Variants in FAAH2 observed in about 807,000 individuals in gnomAD.
The protein encoded by FAAH2 is fatty acid amide hydrolase 2, also known as fatty-acid amide hydrolase 2.
A neutral mutation model predicts 36.9 loss-of-function variants in FAAH2; 60 were observed. That is an observed-to-expected ratio of 1.63 (90% CI 1.32 to 2.02). The LOEUF (loss-of-function observed/expected upper bound fraction) is 2.02, where lower values mean the gene tolerates loss of function less well. Among genes scored for constraint, FAAH2 ranks in the 30% most tolerant of loss-of-function variants. FAAH2 has a pLI of 0.00. For missense variants in FAAH2, 689 were observed against 397.5 expected, an observed-to-expected ratio of 1.73 and a Z score of -6.23; for synonymous variants, 214 against 143.8, an observed-to-expected ratio of 1.49 and a Z score of -3.49.
In FAAH2 at chrX:57,386,281, GA is replaced by G. The variant is rs778108567; in HGVS notation, c.996+5255del. 2.7e-4 allele frequency among the ~76,000 whole-genome samples: 30 copies of G among 111,543 alleles called. 1 individual carries two copies. The East Asian group carries it at 5.9e-3, about 22-fold the overall frequency. The stretch of plus-strand genomic sequence containing the variant: ...TACCACCAGGGACATAGGTAAAGGA[GA>G]AAGGTAAATTATAAAAGAAGTTATA... On this transcript the variant is annotated intron_variant, in intron 7 of 10. Transcript: ENST00000374900.
intron 7 of FAAH2, among the ~76,000 whole-genome samples, chrX:57,398,941 G>A (rs759908434): frequency 5.4e-5 from 6 of 111,121 alleles, no homozygotes; most frequent in East Asian, 2.9e-4. Flanking sequence ...GCTGATGATC[G>A]CTCTAATTGC....
the FAAH2 span, among the ~76,000 whole-genome samples, chrX:57,220,915 G>T: frequency 8.9e-6 from 1 of 112,043 alleles, no homozygotes; most frequent in Non-Finnish European, 1.9e-5. Context: ...AAGAATGATG[G>T]TGCCCTGGAA....
intron 7 of FAAH2, among the ~76,000 whole-genome samples, chrX:57,428,596 C>G (rs1211175655): frequency 8.9e-6 from 1 of 112,005 alleles, no homozygotes; most frequent in Non-Finnish European, 1.9e-5. Flanking sequence ...CACATAACTA[C>G]AGCCAACTGG....
intron 5 of FAAH2, among the ~76,000 whole-genome samples, chrX:57,344,284 G>C (rs2053763932): frequency 9.1e-6 from 1 of 110,381 alleles, no homozygotes; most frequent in African/African-American, 3.3e-5. Context: ...TATTTTTTCA[G>C]CAGTATTTTG....
chrX:57,406,595 A>G (rs2055573149), intron 7 of FAAH2, among the ~76,000 whole-genome samples: 1 of 112,529 alleles, frequency 8.9e-6, no homozygotes, highest in Admixed American at 9.4e-5. Context: ...AGGGATCATA[A>G]CCTTCAGTTC....
chrX:57,274,820 G>A, the FAAH2 span, among the ~76,000 whole-genome samples: 1 of 111,758 alleles, frequency 8.9e-6, no homozygotes, highest in Non-Finnish European at 1.9e-5. Context: ...GAAAAAACTG[G>A]AAGCATTTCC....
intron 5 of FAAH2, among the ~76,000 whole-genome samples, chrX:57,353,065 A>C (rs1027167956): frequency 9.0e-6 from 1 of 110,782 alleles, no homozygotes; most frequent in Non-Finnish European, 1.9e-5. Context: ...ATTCCTATCA[A>C]AATACCAACA....
At chrX:57,472,693 T>A (rs946953888) in intron 10 of FAAH2, among the ~76,000 whole-genome samples, 1 of 111,062 alleles carries the variant, frequency 9.0e-6, no homozygotes, top group East Asian at 2.8e-4. Context: ...GACTAGATTT[T>A]TTTTTTTACT....
intron 3 of FAAH2, among the ~76,000 whole-genome samples, chrX:57,314,121 C>T (rs1199485541): frequency 2.7e-5 from 3 of 111,355 alleles, no homozygotes; most frequent in African/African-American, 9.8e-5. Context: ...CTTAAACCAA[C>T]AACAATCAGG....
chrX:57,242,144 C>G, the FAAH2 span, among the ~76,000 whole-genome samples: 1 of 112,453 alleles, frequency 8.9e-6, no homozygotes, highest in South Asian at 3.7e-4. Context: ...GTCCCTGACC[C>G]CCGTGCCTCC....
At chrX:57,323,198 G>T (rs2053087209) in intron 3 of FAAH2, among the ~76,000 whole-genome samples, 1 of 111,785 alleles carries the variant, frequency 8.9e-6, no homozygotes, top group Non-Finnish European at 1.9e-5. Flanking sequence ...ATTCCATGGT[G>T]TATATGTGTC....
chrX:57,336,757 G>A (rs773766223), intron 4 of FAAH2, among the ~76,000 whole-genome samples: 22 of 111,217 alleles, frequency 2.0e-4, no homozygotes, highest in African/African-American at 6.9e-4. Flanking sequence ...CTGTTTAGAG[G>A]GAAATTTATA....
At chrX:57,168,680 A>G in the FAAH2 span, among the ~76,000 whole-genome samples, 1 of 111,938 alleles carries the variant, frequency 8.9e-6, no homozygotes, top group African/African-American at 3.2e-5. Flanking sequence ...AGACAACTTC[A>G]TCAACTGCAG....
At chrX:57,418,560 C>G (rs916266098) in intron 7 of FAAH2, among the ~76,000 whole-genome samples, 1 of 110,863 alleles carries the variant, frequency 9.0e-6, no homozygotes, top group Non-Finnish European at 1.9e-5. Flanking sequence ...TGGGCTTCAC[C>G]CACTGTCTAA....
At chrX:57,268,941 G>A in the FAAH2 span, among the ~76,000 whole-genome samples, 1 of 111,593 alleles carries the variant, frequency 9.0e-6, no homozygotes, top group African/African-American at 3.3e-5. Context: ...AAGACAGTGT[G>A]GCAAGCTGAA....
In FAAH2 at chrX:57,483,040, A is replaced by G. The variant is rs377153141; in HGVS notation, c.1424-5717A>G. On this transcript the variant is annotated intron_variant, in intron 10 of 10. Transcript: ENST00000374900. Reference sequence around the variant, plus strand: ...CACAGGTGTTCTCTGAGTTTCTTGTATGTGGATATCTTTCTAGCAAGATTA... The same window carrying G: ...CACAGGTGTTCTCTGAGTTTCTTGTGTGTGGATATCTTTCTAGCAAGATTA... Among the ~76,000 whole-genome samples, 7 of 110,852 alleles carry G rather than the reference A, an allele frequency of 6.3e-5. 2 individuals are homozygous for G. The highest frequency in any genetic ancestry group is 9.6e-5 in the Admixed American group (1 of 10,387).
the FAAH2 span, among the ~76,000 whole-genome samples, chrX:57,243,856 A>G: frequency 9.0e-6 from 1 of 110,674 alleles, no homozygotes; most frequent in Admixed American, 9.7e-5. Context: ...AAGGATCACA[A>G]TTCCTTTTCA....
chrX:57,347,604 GTTTTTTTTTTTTT>G (rs61323098), intron 5 of FAAH2, among the ~76,000 whole-genome samples: 12 of 77,904 alleles, frequency 1.5e-4, no homozygotes, highest in African/African-American at 6.5e-4. Context: ...GGGATGCTAA[GTTTTTTTTTTTTT>G]TTTTTTTTTT....
rs1287266105 is a variant in FAAH2 at position 57,466,156 on chromosome X, C to CTCTCTCTCTA, written c.1423+17439_1423+17440insCTCTCTCTAT. 5.6e-3 allele frequency among the ~76,000 whole-genome samples: 375 copies of CTCTCTCTCTA among 66,379 alleles called. 2 individuals carry two copies. Among genetic ancestry groups the CTCTCTCTCTA allele is most frequent in the South Asian group, 8.9e-3 (8 of 897 alleles). The allele number at this position is 66,379 out of a possible 115,157, so 57.6% of individuals were successfully genotyped here. On this transcript the variant is annotated intron_variant, in intron 10 of 10. Coordinates refer to ENST00000374900, the MANE Select transcript of FAAH2 (RefSeq NM_174912.4). ...TCTCTCTCTCTCTCTCTCTCTCTCT[C>CTCTCTCTCTA]TATATATATATATATATATATATAC...
Sources: gnomAD v4.1 joint callset for allele counts (sites outside exome capture counted in the v4.1 genomes callset) on GRCh38, gnomAD v4.1.1 for gene constraint, MANE v1.5 for transcripts, NCBI Gene and HGNC (gene_info 2026-07-23, HGNC 2026-07-21) for gene names.